The following CELA2B variants were observed in gnomAD, a reference collection of about 807,000 sequenced individuals.
CELA2B encodes chymotrypsin like elastase 2B, also known as chymotrypsin-like elastase family member 2B.
Under a neutral mutation model 36.5 loss-of-function variants are expected in CELA2B, and 27 were observed. The ratio of observed to expected loss-of-function variants is 0.74; its 90% CI spans 0.55 to 1.02. The LOEUF is 1.02. Ranked by LOEUF, CELA2B falls within the 50% of genes least tolerant of loss-of-function variation. The probability of loss-of-function intolerance (pLI) is 0.00; values close to 1 mark genes in which losing one functional copy is unlikely to be tolerated. For synonymous variants in CELA2B, 143 were observed against 148.5 expected (o/e 0.96, Z 0.27); for missense variants, 340 against 347.8 (o/e 0.98, Z 0.18).
At chr1:15,485,849 T>C in intron 5 of CELA2B, 52 bp from the exon 6 acceptor site, 1 of 1,603,304 alleles carries the variant, frequency 6.2e-7, no homozygotes, top group African/African-American at 1.3e-5. Flanking sequence ...CACCACTTCC[T>C]TTTTCTCAGG....
intron 7 of CELA2B, among the ~76,000 whole-genome samples, chr1:15,488,409 T>C (rs537767684): frequency 6.6e-6 from 1 of 152,092 alleles, no homozygotes; most frequent in East Asian, 1.9e-4. Context: ...TAATAATAGT[T>C]GGCATAAATA....
At chr1:15,482,013 GA>G (rs1570808813) in intron 3 of CELA2B, among the ~76,000 whole-genome samples, 1 of 82,282 alleles carries the variant, frequency 1.2e-5, no homozygotes, top group East Asian at 9.7e-4. Flanking sequence ...TAATACTATA[GA>G]GTTTGTGCTA....
rs1491212485 is a variant in CELA2B, at chr1:15,478,217, T to TATATATATATATATATATATATATA, written c.129+1672_129+1673insATATATATATATATATATATATATA. On this transcript the variant is annotated intron_variant, in intron 2 of 7. Transcript: ENST00000375910. ...AGGCTGAGGCATATATATATATATA[T>TATATATATATATATATATATATATA]TGGGATATATAGTTTGTTTGTTTGT... is the stretch of plus-strand genomic sequence containing the variant. Among the ~76,000 whole-genome samples the TATATATATATATATATATATATATA allele has an allele frequency of 6.6e-4, 32 of 48,502 alleles. 1 individual carries two copies. The highest frequency in any genetic ancestry group is 2.4e-3 in the African/African-American group (32 of 13,066). 31.8% of individuals were successfully genotyped at this position (48,502 alleles called of 152,430 possible). A position where few individuals can be genotyped will look rare whatever the true frequency, so the allele number is the denominator to read the frequency against.
rs1339960964 is a variant in CELA2B at position 15,481,153 on chromosome 1, T to C, written c.185T>C (p.Leu62Pro). Residue 62 changes from leucine to proline, a missense_variant, in exon 3 of 8, where the codon CTG (leucine) becomes CCG (proline). Leu to Pro is a moderately conservative substitution (Grantham distance 98). Coordinates refer to ENST00000375910, the MANE Select transcript of CELA2B (RefSeq NM_015849.3). ...TGGTACCACACCTGCGGAGGGTCCC[T>C]GATAGCCAACAGCTGGGTCCTGACG... ...GQWYHTCGGS[L>P]IANSWVLTAA... 1 of 1,613,958 alleles carries C rather than the reference T, an allele frequency of 6.2e-7. No individual in the cohort carries two copies. The highest frequency in any genetic ancestry group is 1.3e-5 in the African/African-American group (1 of 75,042).
At chr1:15,483,796 T>G (rs960340389) in intron 5 of CELA2B, among the ~76,000 whole-genome samples, 4 of 151,866 alleles carry the variant, frequency 2.6e-5, no homozygotes, top group African/African-American at 4.8e-5. Context: ...AGGTGTGGTG[T>G]TGTGCGCCTG....
chr1:15,483,426 G>A (rs1374198557), intron 5 of CELA2B, 26 bp downstream of exon 5: 3 of 1,613,272 alleles, frequency 1.9e-6, no homozygotes, highest in Non-Finnish European at 2.5e-6. Context: ...GAGCCCCCAG[G>A]CCTGGGAGGG....
At chr1:15,479,160 A>C (rs2103311476) in intron 2 of CELA2B, among the ~76,000 whole-genome samples, 1 of 152,246 alleles carries the variant, frequency 6.6e-6, no homozygotes, top group East Asian at 1.9e-4. Context: ...GTCTTTTTTC[A>C]CTTGGTCCAA....
rs756927007 is a variant in CELA2B at position 15,483,375 on chromosome 1, C to T, written c.468C>T (p.Tyr156=). 2.9e-5 allele frequency: 46 copies of T among 1,613,934 alleles called. No homozygotes were observed. Among genetic ancestry groups the T allele is most frequent in the Middle Eastern group, 1.6e-4 (1 of 6,082 alleles). ...GTILPNNYPC[Y]VTGWGRLQTN... The stretch of plus-strand genomic sequence containing the variant: ...TTCTACCCAACAACTACCCCTGCTA[C>T]GTCACGGGCTGGGGAAGGCTGCAGA... Residue 156 remains tyrosine (Y), a synonymous_variant, in exon 5 of 8, where the codon TAC becomes TAT. Transcript: ENST00000375910.
intron 5 of CELA2B, 123 bp downstream of exon 5, chr1:15,483,523 G>T: frequency 2.0e-6 from 3 of 1,477,298 alleles, no homozygotes; most frequent in Non-Finnish European, 2.8e-6. Flanking sequence ...GAGACAGGAT[G>T]GCATAGGCTG....
At chr1:15,480,948 G>T (rs1479388177) in intron 2 of CELA2B, 150 bp from the exon 3 acceptor site, 4 of 720,020 alleles carry the variant, frequency 5.6e-6, no homozygotes, top group Non-Finnish European at 9.4e-6. Context: ...TTATCTTCAT[G>T]GCTGAGGTTT....
intron 5 of CELA2B, 108 bp from the exon 6 acceptor site, chr1:15,485,793 G>A: frequency 1.5e-6 from 2 of 1,351,638 alleles, no homozygotes; most frequent in South Asian, 1.3e-5. Flanking sequence ...CTGTTCCCAT[G>A]TTGCAATGGA....
At chr1:15,488,399 T>C (rs1708832024) in intron 7 of CELA2B, among the ~76,000 whole-genome samples, 1 of 152,046 alleles carries the variant, frequency 6.6e-6, no homozygotes, top group Non-Finnish European at 1.5e-5. Context: ...AAAATAATGA[T>C]AATAATAGTT....
At chr1:15,483,219 GAA>G (rs1177541446) in intron 4 of CELA2B, 43 bp from the exon 5 acceptor site, 1 of 1,611,378 alleles carries the variant, frequency 6.2e-7, no homozygotes, top group Admixed American at 1.7e-5. Flanking sequence ...CATAGGGCAG[GAA>G]AAGTCAACCC....
chr1:15,484,343 A>T lies in CELA2B; in HGVS notation c.493+943A>T, dbSNP rs58546273. ...GAGTTCCCGCCCTTCCCTTGTGAAA[A>T]CACCAGAGGTTTGGAAGATTCTAGG... On this transcript the variant is annotated intron_variant, in intron 5 of 7. Coordinates refer to ENST00000375910, the MANE Select transcript of CELA2B (RefSeq NM_015849.3). 4.8e-3 allele frequency among the ~76,000 whole-genome samples: 727 copies of T among 152,218 alleles called. 6 individuals are homozygous for T. The highest frequency in any genetic ancestry group is 0.022 in the East Asian group (114 of 5,190).
At chr1:15,488,893 T>A (rs1402235055) in intron 7 of CELA2B, among the ~76,000 whole-genome samples, 1 of 152,230 alleles carries the variant, frequency 6.6e-6, no homozygotes, top group African/African-American at 2.4e-5. Context: ...TCTGCTGGCA[T>A]CCTTTTGCCA....
chr1:15,487,379 A>G lies in CELA2B; in HGVS notation c.734A>G (p.Tyr245Cys). 3.7e-6 allele frequency: 6 copies of G among 1,614,208 alleles called. No individual in the cohort carries two copies. Among genetic ancestry groups the G allele is most frequent in the Non-Finnish European group, 5.1e-6 (6 of 1,180,032 alleles). ...GSLTSVLGCN[Y>C]YYKPSIFTRV... is the part of the protein sequence containing the mutation. The stretch of plus-strand genomic sequence containing the variant: ...CTCACGTCGGTCCTTGGTTGCAACT[A>G]CTACTACAAGCCCTCCATCTTCACG... Residue 245 changes from tyrosine to cysteine, a missense_variant, in exon 7 of 8, where the codon TAC becomes TGC. By Grantham distance (194) the Tyr-to-Cys change is radical. Transcript: ENST00000375910.
chr1:15,480,921 T>C (rs1345167567), intron 2 of CELA2B, among the ~76,000 whole-genome samples, 177 bp from the exon 3 acceptor site: 1 of 151,616 alleles, frequency 6.6e-6, no homozygotes, highest in Non-Finnish European at 1.5e-5. Context: ...TTACTATAGA[T>C]TGCATTAAAA....
At chr1:15,490,165 C>T (rs1399744245) in intron 7 of CELA2B, among the ~76,000 whole-genome samples, 7 of 152,172 alleles carry the variant, frequency 4.6e-5, no homozygotes, top group Admixed American at 1.3e-4. Flanking sequence ...TGAGCCACTT[C>T]GCCCTGCCAA....
intron 7 of CELA2B, among the ~76,000 whole-genome samples, chr1:15,488,246 C>T (rs1322368265): frequency 1.3e-5 from 2 of 151,682 alleles, no homozygotes; most frequent in Non-Finnish European, 1.5e-5. Flanking sequence ...TTTTAATTAG[C>T]CATGGTGGTG....
Sources: allele counts gnomAD v4.1 joint callset (sites outside exome capture counted in the v4.1 genomes callset), GRCh38; gene constraint gnomAD v4.1.1; transcripts MANE v1.5; gene names NCBI Gene and HGNC (gene_info 2026-07-23, HGNC 2026-07-21).